NFIB: variants seen among roughly 807,000 people sequenced by gnomAD.
The protein encoded by NFIB is nuclear factor 1 B-type.
A neutral mutation model predicts 61.5 loss-of-function variants in NFIB; 11 were observed. The observed-to-expected ratio is 0.18, with a 90% confidence interval of 0.11 to 0.30. The LOEUF (loss-of-function observed/expected upper bound fraction) is 0.30. Ranked by LOEUF, NFIB falls within the 10% of genes least tolerant of loss-of-function variation. NFIB has a pLI of 1.00. For synonymous variants in NFIB, 260 were observed against 216.5 expected, an observed-to-expected ratio of 1.20 and a Z score of -1.76; for missense variants, 471 against 608.9, an observed-to-expected ratio of 0.77 and a Z score of 2.38.
intron 1 of NFIB, among the ~76,000 whole-genome samples, chr9:14,359,260 G>A (rs957332428): frequency 6.6e-6 from 1 of 152,220 alleles, no homozygotes; most frequent in South Asian, 2.1e-4. Context: ...AAAGGCCTTT[G>A]CACGTGTGAC....
At position 14,084,760 on chromosome 9, in the gene NFIB, A is replaced by G. The variant is rs1422942749; in HGVS notation, c.*3549T>C. The G allele has an allele frequency of 8.7e-6, 2 of 229,476 alleles. No individual in the cohort carries two copies. The highest frequency in any genetic ancestry group is 1.2e-4 in the East Asian group (2 of 16,082). The allele number at this position is 229,476 out of a possible 1,614,324, so 14.2% of individuals were successfully genotyped here. On this transcript the variant is annotated 3_prime_UTR_variant, in exon 11 of 11. Transcript: ENST00000380953. Reference sequence around the variant, plus strand: ...AAAGTGGGGCCCTTCGTCAGAATATACTTCCTGGTACACGAGGAGGAGGCC... The same window carrying G: ...AAAGTGGGGCCCTTCGTCAGAATATGCTTCCTGGTACACGAGGAGGAGGCC...
chr9:14,171,443 C>T (rs2045556148), intron 3 of NFIB, among the ~76,000 whole-genome samples: 1 of 152,166 alleles, frequency 6.6e-6, no homozygotes, highest in Non-Finnish European at 1.5e-5. Flanking sequence ...CATCTCTTGC[C>T]CAGTAGGCAG....
chr9:14,467,081 G>A, the NFIB span, among the ~76,000 whole-genome samples: 2 of 152,216 alleles, frequency 1.3e-5, no homozygotes, highest in Admixed American at 6.5e-5. Context: ...TCGCTCTAAT[G>A]AGAGAGACTT....
Position 14,313,784 on chromosome 9 carries a change from G to GGCCGCC in NFIB, c.-279_-274dup, listed in dbSNP as rs543371393. The GGCCGCC allele has an allele frequency of 2.2e-6, 3 of 1,339,518 alleles. No homozygotes were observed. The highest frequency in any genetic ancestry group is 3.4e-5 in the Admixed American group (1 of 29,164). 83.0% of individuals were successfully genotyped at this position (1,339,518 alleles called of 1,614,324 possible). ...CGAGCGCGCTGGCCGTGCTTGCCGA[G>GGCCGCC]GCCGCCGCCGCCGCCGGTGTTGGCT... is the stretch of plus-strand genomic sequence containing the variant. On this transcript the variant is annotated 5_prime_UTR_variant, in exon 1 of 11. Transcript: ENST00000380953. The surrounding 1 kb of genome is among the most constrained non-coding windows in gnomAD (Gnocchi z 4.5).
At chr9:14,389,002 C>T (rs1029055313) in intron 1 of NFIB, among the ~76,000 whole-genome samples, 7 of 152,132 alleles carry the variant, frequency 4.6e-5, no homozygotes, top group African/African-American at 1.7e-4. Context: ...GGGTTGGGGC[C>T]TGGACATTGC....
At position 14,087,676 on chromosome 9, in the gene NFIB, T is replaced by C. The variant is rs2033074083; in HGVS notation, c.*633A>G. ...CCGAAATTTAATAAATCTGTACTGA[T>C]AACTAAAGGCTACAGAGATTTCATA... On this transcript the variant is annotated 3_prime_UTR_variant, in exon 11 of 11. Coordinates refer to ENST00000380953, the MANE Select transcript of NFIB (RefSeq NM_001190737.2). 4.6e-6 allele frequency: 1 copy of C among 217,058 alleles called. No individual in the cohort carries two copies. Among genetic ancestry groups the C allele is most frequent in the African/African-American group, 2.3e-5 (1 of 44,394 alleles). The allele number at this position is 217,058 out of a possible 1,614,324, so 13.4% of individuals were successfully genotyped here. A position where few individuals can be genotyped will look rare whatever the true frequency, so the allele number is the denominator to read the frequency against.
intron 3 of NFIB, among the ~76,000 whole-genome samples, chr9:14,159,287 A>G (rs1164802736): frequency 6.6e-6 from 1 of 152,244 alleles, no homozygotes; most frequent in Non-Finnish European, 1.5e-5. Context: ...AGAAATTGGA[A>G]TCTACGGAAA....
the NFIB span, among the ~76,000 whole-genome samples, chr9:14,516,825 G>A: frequency 1.6e-4 from 25 of 152,154 alleles, 1 homozygote; most frequent in Middle Eastern, 0.034. Context: ...AATAATATTC[G>A]TGATTAGTTA....
chr9:14,243,063 C>T (rs2054517265), intron 2 of NFIB, among the ~76,000 whole-genome samples: 1 of 152,018 alleles, frequency 6.6e-6, no homozygotes, highest in African/African-American at 2.4e-5. Context: ...GAAACAGCCC[C>T]CTGAAAGAAA....
rs935800139 is a variant in NFIB, at chr9:14,083,109, A to T, written c.*5200T>A. 6 of 212,924 alleles carry T rather than the reference A, an allele frequency of 2.8e-5. No homozygotes were observed. The highest frequency in any genetic ancestry group is 5.7e-5 in the Non-Finnish European group (6 of 105,338). 13.2% of individuals were successfully genotyped at this position (212,924 alleles called of 1,614,324 possible). A position where few individuals can be genotyped will look rare whatever the true frequency, so the allele number is the denominator to read the frequency against. ...CCCTTTTATTATTAAAAAAAAAAAA[A>T]AACTACTTACAACCATTGAAGAAAA... On this transcript the variant is annotated 3_prime_UTR_variant, in exon 11 of 11. Coordinates refer to ENST00000380953, the MANE Select transcript of NFIB (RefSeq NM_001190737.2).
intron 1 of NFIB, among the ~76,000 whole-genome samples, chr9:14,377,226 T>C (rs1161386308): frequency 6.6e-6 from 1 of 152,216 alleles, no homozygotes; most frequent in African/African-American, 2.4e-5. Context: ...TGTGTATTAT[T>C]ATGTGCCATT....
At chr9:14,334,187 G>A (rs1174737452) in intron 1 of NFIB, among the ~76,000 whole-genome samples, 1 of 152,158 alleles carries the variant, frequency 6.6e-6, no homozygotes, top group African/African-American at 2.4e-5. Context: ...TTGTCTACAT[G>A]TTTTCTATTA....
the NFIB span, among the ~76,000 whole-genome samples, chr9:14,425,437 T>C: frequency 2.0e-5 from 3 of 152,006 alleles, no homozygotes; most frequent in African/African-American, 7.2e-5. Context: ...CTCTACAAGA[T>C]CATGTGAGCC....
chr9:14,292,149 C>A (rs976046822), intron 2 of NFIB, among the ~76,000 whole-genome samples: 1 of 152,022 alleles, frequency 6.6e-6, no homozygotes, highest in Admixed American at 6.6e-5. Context: ...GAAATAATAA[C>A]CTTTCATTAT....
the NFIB span, among the ~76,000 whole-genome samples, chr9:14,508,653 C>T: frequency 2.6e-5 from 4 of 152,176 alleles, no homozygotes; most frequent in East Asian, 1.9e-4. Context: ...GGAAGCAAGC[C>T]CGAATGGGAT....
intron 1 of NFIB, among the ~76,000 whole-genome samples, chr9:14,395,115 G>C (rs1237465720): frequency 6.6e-6 from 1 of 151,970 alleles, no homozygotes; most frequent in Non-Finnish European, 1.5e-5. Context: ...GGCTTCCTCA[G>C]AACCCTGGGT....
the NFIB span, among the ~76,000 whole-genome samples, chr9:14,412,289 T>C: frequency 0.71 from 107,520 of 152,100 alleles, 38,983 homozygotes; most frequent in Admixed American, 0.79. Flanking sequence ...GACTCTCCCA[T>C]TGAACAATTT....
intron 10 of NFIB, among the ~76,000 whole-genome samples, chr9:14,093,098 T>C (rs892432832): frequency 7.2e-5 from 11 of 152,074 alleles, no homozygotes; most frequent in Non-Finnish European, 1.3e-4. Context: ...TAAACATGTA[T>C]GAAGCCATTA....
chr9:14,432,395 C>T, the NFIB span, among the ~76,000 whole-genome samples: 17,061 of 152,180 alleles, frequency 0.11, 1,230 homozygotes, highest in African/African-American at 0.19. Context: ...CCTGCTACAC[C>T]CATTCCTGGG....
Sources: gnomAD v4.1 joint callset for allele counts (sites outside exome capture counted in the v4.1 genomes callset) on GRCh38, gnomAD v4.1.1 for gene constraint, Gnocchi (gnomAD v3.1) non-coding constraint, MANE v1.5 for transcripts, NCBI Gene and HGNC (gene_info 2026-07-23, HGNC 2026-07-21) for gene names.